The following ZEB1 variants were observed in gnomAD, a reference collection of about 807,000 sequenced individuals.
The protein encoded by ZEB1 is zinc finger E-box binding homeobox 1, also known as zinc finger E-box-binding homeobox 1.
Under a neutral mutation model 84.9 loss-of-function variants are expected in ZEB1, and 21 were observed. The ratio of observed to expected loss-of-function variants is 0.25; its 90% CI spans 0.18 to 0.36. The LOEUF (loss-of-function observed/expected upper bound fraction) is 0.36, where lower values mean the gene tolerates loss of function less well. ZEB1 is among the 10% of genes least tolerant of loss of function. The pLI, the probability that ZEB1 is intolerant of heterozygous loss-of-function variation, is 1.00. For synonymous variants in ZEB1, 420 were observed against 471.1 expected (o/e 0.89, Z 1.41); for missense variants, 1,104 against 1,330.2 (o/e 0.83, Z 2.65).
intron 1 of ZEB1, among the ~76,000 whole-genome samples, chr10:31,437,843 A>G (rs2058462941): frequency 6.6e-6 from 1 of 152,240 alleles, no homozygotes; most frequent in African/African-American, 2.4e-5. Context: ...AGAACCAAAT[A>G]AAATGAATTA....
intron 4 of ZEB1, among the ~76,000 whole-genome samples, chr10:31,503,324 T>C (rs1035822241): frequency 6.6e-6 from 1 of 152,178 alleles, no homozygotes; most frequent in African/African-American, 2.4e-5. Flanking sequence ...TGTTATTCAT[T>C]ACTTTCAGAT....
intron 2 of ZEB1, among the ~76,000 whole-genome samples, chr10:31,475,244 C>CCCTA (rs1241384171): frequency 6.6e-6 from 1 of 150,910 alleles, no homozygotes; most frequent in African/African-American, 2.4e-5. Flanking sequence ...TTAACCCAAT[C>CCCTA]AGACAAAAAA....
chr10:31,468,780 C>G (rs1407975161), intron 2 of ZEB1, among the ~76,000 whole-genome samples: 1 of 152,022 alleles, frequency 6.6e-6, no homozygotes, highest in African/African-American at 2.4e-5. Flanking sequence ...AAAAATAATC[C>G]CACCCAAATG....
chr10:31,515,365 A>G (rs1469037901), intron 6 of ZEB1, among the ~76,000 whole-genome samples: 3 of 152,094 alleles, frequency 2.0e-5, no homozygotes, highest in Non-Finnish European at 4.4e-5. Context: ...CTACTTGAAC[A>G]AAAGCGCAAA....
chr10:31,473,494 A>C (rs1178196620), intron 2 of ZEB1, among the ~76,000 whole-genome samples: 1 of 152,076 alleles, frequency 6.6e-6, no homozygotes, highest in Non-Finnish European at 1.5e-5. Context: ...TAGGAATCCA[A>C]CTTACAAGGG....
At chr10:31,446,514 A>G (rs1027678546) in intron 1 of ZEB1, among the ~76,000 whole-genome samples, 33 of 148,686 alleles carry the variant, frequency 2.2e-4, no homozygotes, top group Non-Finnish European at 3.8e-4. Context: ...TAGGGTGTCA[A>G]TTTTGGATCT....
chr10:31,333,150 C>T (rs146095517), intron 1 of ZEB1, among the ~76,000 whole-genome samples: 4 of 152,254 alleles, frequency 2.6e-5, no homozygotes, highest in Admixed American at 1.3e-4. Context: ...ACAGCCTATT[C>T]TTTGACAGTA....
intron 1 of ZEB1, among the ~76,000 whole-genome samples, chr10:31,345,029 T>C (rs1235184678): frequency 1.3e-5 from 2 of 152,168 alleles, no homozygotes; most frequent in African/African-American, 4.8e-5. Flanking sequence ...TTTATCCAGA[T>C]GTTAATGTTT....
At chr10:31,359,217 C>G (rs2042591095) in intron 1 of ZEB1, among the ~76,000 whole-genome samples, 1 of 152,042 alleles carries the variant, frequency 6.6e-6, no homozygotes, top group Admixed American at 6.6e-5. Context: ...AAGATCCAAC[C>G]TGTATGCATT....
intron 1 of ZEB1, among the ~76,000 whole-genome samples, chr10:31,340,991 A>G (rs555981301): frequency 6.6e-6 from 1 of 152,234 alleles, no homozygotes; most frequent in South Asian, 2.1e-4. Flanking sequence ...AGATAAGGGT[A>G]AGAGAGTGAT....
intron 1 of ZEB1, among the ~76,000 whole-genome samples, chr10:31,366,907 T>C (rs972847107): frequency 1.3e-5 from 2 of 152,200 alleles, no homozygotes; most frequent in African/African-American, 4.8e-5. Context: ...TAATGTCTTA[T>C]AGTTCAGTCC....
chr10:31,397,541 G>A (rs575652838), intron 1 of ZEB1, among the ~76,000 whole-genome samples: 1 of 152,034 alleles, frequency 6.6e-6, no homozygotes, highest in Non-Finnish European at 1.5e-5. Context: ...TTTTCAATGT[G>A]TCCAGCTTCA....
chr10:31,367,953 C>CTATA (rs753213339), intron 1 of ZEB1, among the ~76,000 whole-genome samples: 8 of 148,602 alleles, frequency 5.4e-5, no homozygotes, highest in African/African-American at 2.0e-4. Flanking sequence ...TTATTATATA[C>CTATA]TATATATATA....
At chr10:31,484,641 T>A (rs190491488) in intron 2 of ZEB1, among the ~76,000 whole-genome samples, 2 of 151,928 alleles carry the variant, frequency 1.3e-5, no homozygotes, top group Non-Finnish European at 2.9e-5. Flanking sequence ...CTTAACTGAT[T>A]AGGGTCAAAA....
intron 1 of ZEB1, among the ~76,000 whole-genome samples, chr10:31,414,970 G>T (rs772060769): frequency 1.3e-5 from 2 of 152,134 alleles, no homozygotes; most frequent in Non-Finnish European, 2.9e-5. Flanking sequence ...GAAGGGATCA[G>T]ACTCACTCAC....
At chr10:31,422,620 T>C (rs959222534) in intron 1 of ZEB1, among the ~76,000 whole-genome samples, 5 of 152,130 alleles carry the variant, frequency 3.3e-5, no homozygotes, top group African/African-American at 9.7e-5. Flanking sequence ...AGCTTTCATA[T>C]CAGAAATGTA....
chr10:31,486,808 T>C (rs1009745475), intron 2 of ZEB1, among the ~76,000 whole-genome samples: 15 of 151,556 alleles, frequency 9.9e-5, no homozygotes, highest in African/African-American at 2.9e-4. Flanking sequence ...TTTTTCTTTT[T>C]ATGGATCATG....
intron 1 of ZEB1, chr10:31,363,764 C>A (rs989339734): frequency 7.1e-6 from 9 of 1,273,976 alleles, no homozygotes; most frequent in Admixed American, 2.0e-5. Context: ...GGGCTCCAGA[C>A]CACAGGACGC....
chr10:31,408,688 C>A (rs2053620482), intron 1 of ZEB1, among the ~76,000 whole-genome samples: 1 of 144,054 alleles, frequency 6.9e-6, no homozygotes, highest in Admixed American at 6.8e-5. Flanking sequence ...AACTGGCTAG[C>A]CATATGTAGA....
Sources: gnomAD v4.1 joint callset for allele counts (sites outside exome capture counted in the v4.1 genomes callset) on GRCh38, gnomAD v4.1.1 for gene constraint, MANE v1.5 for transcripts, NCBI Gene and HGNC (gene_info 2026-07-23, HGNC 2026-07-21) for gene names.